Variants in PLXDC2 observed in about 807,000 individuals in gnomAD.
The protein encoded by PLXDC2 is plexin domain-containing protein 2.
In PLXDC2, 40 loss-of-function variants were observed where a neutral mutation model predicts 68.9. The observed-to-expected ratio is 0.58, with a 90% CI of 0.45 to 0.76. PLXDC2 has a LOEUF of 0.76. Ranked by LOEUF, PLXDC2 falls within the 30% of genes least tolerant of loss-of-function variation. PLXDC2 has a pLI of 0.00. For synonymous variants in PLXDC2, 243 were observed against 234.2 expected, an observed-to-expected ratio of 1.04 and a Z score of -0.34; for missense variants, 644 against 661.9, an observed-to-expected ratio of 0.97 and a Z score of 0.30.
At chr10:19,857,258 C>T (rs1020271200) in intron 1 of PLXDC2, among the ~76,000 whole-genome samples, 3 of 152,154 alleles carry the variant, frequency 2.0e-5, no homozygotes, top group Admixed American at 6.6e-5. Flanking sequence ...TAACACTATT[C>T]ACTTTTTAGA....
intron 9 of PLXDC2, among the ~76,000 whole-genome samples, chr10:20,208,163 ATATAT>A (rs67284158): frequency 0.47 from 70,408 of 151,348 alleles, 16,458 homozygotes; most frequent in Middle Eastern, 0.55. Context: ...TTATATATAG[ATATAT>A]TGTATTAGTC....
intron 12 of PLXDC2, among the ~76,000 whole-genome samples, chr10:20,221,976 G>T (rs992058001): frequency 6.6e-6 from 1 of 152,120 alleles, no homozygotes; most frequent in Non-Finnish European, 1.5e-5. Flanking sequence ...TTTACAACAT[G>T]AATTTATGGG....
chr10:19,870,093 T>C (rs1837505434), intron 1 of PLXDC2, among the ~76,000 whole-genome samples: 1 of 152,212 alleles, frequency 6.6e-6, no homozygotes, highest in African/African-American at 2.4e-5. Context: ...GATTTCTTTG[T>C]AATGTTTTGC....
At chr10:19,972,363 C>T (rs1194481921) in intron 1 of PLXDC2, among the ~76,000 whole-genome samples, 1 of 152,226 alleles carries the variant, frequency 6.6e-6, no homozygotes, top group East Asian at 1.9e-4. Context: ...AAATACCCCA[C>T]GTTATCACTC....
chr10:20,006,442 C>T (rs746152555), intron 2 of PLXDC2, among the ~76,000 whole-genome samples: 3 of 152,144 alleles, frequency 2.0e-5, no homozygotes, highest in Admixed American at 1.3e-4. Flanking sequence ...TATTTTGTCT[C>T]GTAGCCCTGA....
At chr10:19,841,867 C>A (rs141147289) in intron 1 of PLXDC2, among the ~76,000 whole-genome samples, 8 of 151,866 alleles carry the variant, frequency 5.3e-5, no homozygotes, top group African/African-American at 1.7e-4. Context: ...GTAGTATATA[C>A]GTACATAGCA....
rs1835531380 is a variant in PLXDC2, at chr10:20,033,335, C to A, written c.325-13534C>A. Among the ~76,000 whole-genome samples the A allele has an allele frequency of 2.0e-5, 3 of 152,202 alleles. No homozygotes were observed. The South Asian group carries it at 6.2e-4, about 32-fold the overall frequency. ...GAACCCTAATTCAATATTCTTGATA[C>A]TTCTTGAAGCTTGCTGGAAATATTT... On this transcript the variant is annotated intron_variant, in intron 2 of 13. Coordinates refer to ENST00000377252, the MANE Select transcript of PLXDC2 (RefSeq NM_032812.9).
chr10:20,121,415 C>T (rs544762731), intron 4 of PLXDC2, among the ~76,000 whole-genome samples: 31 of 152,216 alleles, frequency 2.0e-4, no homozygotes, highest in African/African-American at 6.0e-4. Context: ...GGAGATTAAT[C>T]GGACACAATC....
intron 1 of PLXDC2, among the ~76,000 whole-genome samples, chr10:19,986,419 A>G (rs1834640111): frequency 6.6e-6 from 1 of 152,142 alleles, no homozygotes; most frequent in Non-Finnish European, 1.5e-5. Context: ...TTATACAAAT[A>G]CAGAGAATAT....
Position 20,185,160 on chromosome 10 carries a change from GAAAAAAAAAAAA to G in PLXDC2, c.1061+7767_1061+7778del, listed in dbSNP as rs11307851. 2.1e-3 allele frequency among the ~76,000 whole-genome samples: 117 copies of G among 56,010 alleles called. 1 individual carries two copies. Among genetic ancestry groups the G allele is most frequent in the African/African-American group, 5.6e-3 (79 of 13,996 alleles). 36.7% of individuals were successfully genotyped at this position (56,010 alleles called of 152,430 possible). A position where few individuals can be genotyped will look rare whatever the true frequency, so the allele number is the denominator to read the frequency against. On this transcript the variant is annotated intron_variant, in intron 9 of 13. Coordinates refer to ENST00000377252, the MANE Select transcript of PLXDC2 (RefSeq NM_032812.9). Reference sequence around the variant, plus strand: ...TGCACATACATCCCAGAACTGAAAGGAAAAAAAAAAAAAAAAAAAAAAAAAAACTATGGGTAT... The same window carrying G: ...TGCACATACATCCCAGAACTGAAAGGAAAAAAAAAAAAAAACTATGGGTAT...
chr10:20,120,475 T>G (rs1358745652), intron 4 of PLXDC2, among the ~76,000 whole-genome samples: 1 of 152,284 alleles, frequency 6.6e-6, no homozygotes, highest in East Asian at 1.9e-4. Context: ...CTTGGCTGAT[T>G]TGACTAATAA....
Position 20,001,970 on chromosome 10 carries a change from A to G in PLXDC2, c.308A>G (p.Asn103Ser), listed in dbSNP as rs750149691. The G allele has an allele frequency of 4.3e-6, 7 of 1,612,364 alleles. No homozygotes were observed. The highest frequency in any genetic ancestry group is 2.2e-5 in the South Asian group (2 of 90,976). Residue 103 changes from asparagine (N) to serine (S), a missense_variant, in exon 2 of 14, where the codon AAT becomes AGT. Coordinates refer to ENST00000377252, the MANE Select transcript of PLXDC2 (RefSeq NM_032812.9). ...CTGCTGCTGGATGATGGGCAGGACA[A>G]TAACACTCAGATCGAGGTAGATAAA... ...TDLLLDDGQD[N>S]NTQIEEDTDH... is the part of the protein sequence containing the mutation.
intron 6 of PLXDC2, among the ~76,000 whole-genome samples, chr10:20,157,608 G>A (rs1834233964): frequency 6.6e-6 from 1 of 152,180 alleles, no homozygotes; most frequent in Admixed American, 6.5e-5. Flanking sequence ...ACCACAGAGT[G>A]GAGAAGAGAG....
At chr10:19,855,392 A>G (rs1197551602) in intron 1 of PLXDC2, among the ~76,000 whole-genome samples, 1 of 152,118 alleles carries the variant, frequency 6.6e-6, no homozygotes, top group African/African-American at 2.4e-5. Context: ...ATCAAACAGA[A>G]CTGGATTTGA....
At chr10:19,920,798 C>T (rs989136166) in intron 1 of PLXDC2, among the ~76,000 whole-genome samples, 6 of 152,142 alleles carry the variant, frequency 3.9e-5, no homozygotes, top group African/African-American at 1.4e-4. Context: ...CCTCAAGCAA[C>T]CTGCTGGCCT....
intron 2 of PLXDC2, among the ~76,000 whole-genome samples, chr10:20,013,607 T>C (rs889204470): frequency 2.2e-4 from 34 of 152,222 alleles, no homozygotes; most frequent in African/African-American, 8.2e-4. Flanking sequence ...GTTCTGTCAT[T>C]TAAAACTAGT....
chr10:20,006,545 T>G (rs988990484), intron 2 of PLXDC2, among the ~76,000 whole-genome samples: 2 of 152,168 alleles, frequency 1.3e-5, no homozygotes, highest in Non-Finnish European at 1.5e-5. Context: ...TTTTTTTTCA[T>G]TGTCTCGACT....
chr10:19,978,409 G>T (rs1834495091), intron 1 of PLXDC2, among the ~76,000 whole-genome samples: 2 of 151,808 alleles, frequency 1.3e-5, no homozygotes, highest in Non-Finnish European at 2.9e-5. Context: ...ATAAAACCCT[G>T]AGCTCTTTCA....
At chr10:20,067,020 T>C (rs945167734) in intron 3 of PLXDC2, among the ~76,000 whole-genome samples, 5 of 152,196 alleles carry the variant, frequency 3.3e-5, no homozygotes, top group African/African-American at 1.2e-4. Context: ...TTGCGGTTTT[T>C]GCCATTACTT....
Sources: allele counts gnomAD v4.1 joint callset (sites outside exome capture counted in the v4.1 genomes callset), GRCh38; gene constraint gnomAD v4.1.1; transcripts MANE v1.5; gene names NCBI Gene and HGNC (gene_info 2026-07-23, HGNC 2026-07-21).